SPTBN1: variants seen among roughly 807,000 people sequenced by gnomAD.
SPTBN1 encodes the protein spectrin beta chain, non-erythrocytic 1.
Under a neutral mutation model 266.4 loss-of-function variants are expected in SPTBN1, and 32 were observed. The ratio of observed to expected loss-of-function variants is 0.12; its 90% CI spans 0.09 to 0.16. SPTBN1 has a LOEUF of 0.16. Among genes scored for constraint, SPTBN1 ranks in the 10% least tolerant of loss-of-function variants. The pLI is 1.00. For synonymous variants in SPTBN1, 1,336 were observed against 1,162.2 expected (o/e 1.15, Z -3.04); for missense variants, 2,296 against 3,067.1 (o/e 0.75, Z 5.94).
At position 54,599,249 on chromosome 2, in the gene SPTBN1, T is replaced by C. The variant is rs1433595093; in HGVS notation, c.300+6T>C. 1.4e-5 allele frequency: 22 copies of C among 1,613,788 alleles called. No individual in the cohort carries two copies. The highest frequency in any genetic ancestry group is 1.9e-5 in the Non-Finnish European group (22 of 1,179,910). ...TCCTCTCTGGAGAGAGGCTGGTGAG[T>C]GGAGACCTTAGGAAGTGCCGTGTGT... On this transcript the variant is annotated splice_donor_region_variant and intron_variant, in intron 3 of 35. Transcript: ENST00000356805.
intron 2 of SPTBN1, among the ~76,000 whole-genome samples, chr2:54,548,472 C>T (rs192378625): frequency 1.3e-5 from 2 of 152,294 alleles, no homozygotes; most frequent in Admixed American, 1.3e-4. Flanking sequence ...TTTGGCTCCA[C>T]CTTTGTGGTG....
At chr2:54,647,282 G>A (rs547380606) in intron 24 of SPTBN1, 21 bp downstream of exon 24, 2 of 1,611,838 alleles carry the variant, frequency 1.2e-6, no homozygotes, top group Non-Finnish European at 1.7e-6. Context: ...CTTCATGAGT[G>A]TGAGACCCGG....
intron 1 of SPTBN1, among the ~76,000 whole-genome samples, chr2:54,464,951 C>T (rs556936166): frequency 1.3e-5 from 2 of 152,292 alleles, no homozygotes; most frequent in African/African-American, 2.4e-5. Flanking sequence ...CTTGGCCTCC[C>T]AAAGTGTTGG....
intron 17 of SPTBN1, among the ~76,000 whole-genome samples, chr2:54,634,702 C>T (rs953841556): frequency 2.6e-4 from 40 of 152,302 alleles, no homozygotes; most frequent in Admixed American, 1.2e-3. Context: ...CCCCGCTCCT[C>T]GAAACATCCT....
At chr2:54,622,157 C>A (rs1289058305) in intron 8 of SPTBN1, 143 bp from the exon 9 acceptor site, 3 of 745,966 alleles carry the variant, frequency 4.0e-6, no homozygotes, top group African/African-American at 3.6e-5. Flanking sequence ...ATGCTTGTGC[C>A]CAGGTACAGC....
At chr2:54,656,053 G>T (rs192317167) in intron 29 of SPTBN1, 55 bp downstream of exon 29, 46 of 1,455,528 alleles carry the variant, frequency 3.2e-5, no homozygotes, top group Non-Finnish European at 4.2e-5. Flanking sequence ...AAACATGCAC[G>T]TTTATTTTCT....
At chr2:54,658,479 C>T (rs746579797) in intron 30 of SPTBN1, among the ~76,000 whole-genome samples, 2 of 152,202 alleles carry the variant, frequency 1.3e-5, no homozygotes, top group Non-Finnish European at 2.9e-5. Flanking sequence ...CCTCTTCTGT[C>T]AACATAAAGG....
At chr2:54,661,681 G>C (rs530879973) in intron 32 of SPTBN1, 3 of 985,498 alleles carry the variant, frequency 3.0e-6, no homozygotes, top group Middle Eastern at 5.2e-4. Flanking sequence ...TGTGTTTGTG[G>C]CTCCAAGTTA....
intron 1 of SPTBN1, among the ~76,000 whole-genome samples, chr2:54,459,605 T>C (rs1186947079): frequency 6.6e-6 from 1 of 152,036 alleles, no homozygotes; most frequent in Non-Finnish European, 1.5e-5. Flanking sequence ...AAAGCCTAAT[T>C]TTTTTTACGT....
At chr2:54,485,363 G>A (rs993963015) in intron 1 of SPTBN1, among the ~76,000 whole-genome samples, 1 of 152,206 alleles carries the variant, frequency 6.6e-6, no homozygotes, top group African/African-American at 2.4e-5. Flanking sequence ...ACTGGTTTTC[G>A]TATTTTTTTG....
intron 1 of SPTBN1, among the ~76,000 whole-genome samples, chr2:54,481,144 G>A (rs1219430274): frequency 6.6e-6 from 1 of 151,404 alleles, no homozygotes; most frequent in Non-Finnish European, 1.5e-5. Context: ...ACATCTCTAA[G>A]TAATAATGAT....
At chr2:54,655,378 T>C (rs1680582312) in intron 28 of SPTBN1, among the ~76,000 whole-genome samples, 170 bp downstream of exon 28, 1 of 152,242 alleles carries the variant, frequency 6.6e-6, no homozygotes, top group African/African-American at 2.4e-5. Flanking sequence ...TGCAAGACTC[T>C]AGGCCCAGGC....
intron 18 of SPTBN1, among the ~76,000 whole-genome samples, chr2:54,639,157 C>T (rs1272244187): frequency 6.6e-6 from 1 of 152,226 alleles, no homozygotes; most frequent in Middle Eastern, 3.2e-3. Flanking sequence ...GTAGGATACT[C>T]ACTTACAGAG....
At chr2:54,527,627 G>A (rs1282528239) in intron 2 of SPTBN1, 3 of 152,128 alleles carry the variant, frequency 2.0e-5, no homozygotes, top group Non-Finnish European at 2.9e-5. Context: ...TCTCTACTCT[G>A]GCTTTATTTT....
intron 2 of SPTBN1, among the ~76,000 whole-genome samples, chr2:54,567,057 C>T (rs907043148): frequency 3.3e-5 from 5 of 152,188 alleles, no homozygotes; most frequent in South Asian, 2.1e-4. Flanking sequence ...GAGCAGCTGT[C>T]GTCTGGTTAA....
intron 2 of SPTBN1, among the ~76,000 whole-genome samples, chr2:54,580,695 T>G (rs1427601662): frequency 6.6e-6 from 1 of 152,068 alleles, no homozygotes; most frequent in Non-Finnish European, 1.5e-5. Context: ...TCTGAAAGGG[T>G]TAGGGTTTCT....
At chr2:54,623,699 TC>T in intron 10 of SPTBN1, 103 bp downstream of exon 10, 1 of 911,520 alleles carries the variant, frequency 1.1e-6, no homozygotes, top group Non-Finnish European at 1.7e-6. Context: ...GAAGGGGCTG[TC>T]CCCACCTGCC....
At chr2:54,514,724 C>CT in intron 1 of SPTBN1, among the ~76,000 whole-genome samples, 1 of 152,240 alleles carries the variant, frequency 6.6e-6, no homozygotes, top group East Asian at 1.9e-4. Context: ...TCTTCTGAGG[C>CT]TTTTTTCAAG....
chr2:54,459,115 G>T (rs970207112), intron 1 of SPTBN1, among the ~76,000 whole-genome samples: 1 of 152,196 alleles, frequency 6.6e-6, no homozygotes, highest in Non-Finnish European at 1.5e-5. Context: ...GATGTCACAG[G>T]AGGTTTAGCT....
Sources: allele counts gnomAD v4.1 joint callset (sites outside exome capture counted in the v4.1 genomes callset), GRCh38; gene constraint gnomAD v4.1.1; transcripts MANE v1.5; gene names NCBI Gene and HGNC (gene_info 2026-07-23, HGNC 2026-07-21).